Variants in APP observed in about 807,000 individuals in gnomAD.
The protein encoded by APP is amyloid-beta precursor protein.
Under a neutral mutation model 101.4 loss-of-function variants are expected in APP, and 31 were observed. The observed-to-expected ratio is 0.31, with a 90% CI of 0.23 to 0.41. The LOEUF is 0.41. Ranked by LOEUF, APP falls within the 10% of genes least tolerant of loss-of-function variation. APP has a pLI of 1.00. For missense variants in APP, 839 were observed against 1,003.7 expected, an observed-to-expected ratio of 0.84 and a Z score of 2.22; for synonymous variants, 366 against 364.4, an observed-to-expected ratio of 1.00 and a Z score of -0.05.
chr21:26,112,395 C>T (rs185675974), intron 1 of APP, among the ~76,000 whole-genome samples: 3 of 152,264 alleles, frequency 2.0e-5, no homozygotes, highest in South Asian at 4.2e-4. Context: ...GGAATTTATT[C>T]ATGAAAAATT....
At chr21:26,022,754 C>T (rs550256285) in intron 5 of APP, among the ~76,000 whole-genome samples, 6 of 152,316 alleles carry the variant, frequency 3.9e-5, no homozygotes, top group African/African-American at 9.6e-5. Context: ...AGAGCCGCAA[C>T]GCATTGCACG....
At chr21:26,133,419 G>A (rs1217080928) in intron 1 of APP, among the ~76,000 whole-genome samples, 1 of 152,178 alleles carries the variant, frequency 6.6e-6, no homozygotes, top group Non-Finnish European at 1.5e-5. Flanking sequence ...ACAATTACTA[G>A]GAAGACAAAT....
chr21:26,155,129 T>C (rs533598051), intron 1 of APP, among the ~76,000 whole-genome samples: 1 of 152,268 alleles, frequency 6.6e-6, no homozygotes, highest in South Asian at 2.1e-4. Flanking sequence ...CACACGCCTG[T>C]AATCCCAGCT....
At chr21:25,954,777 C>T (rs1015688896) in intron 12 of APP, 88 bp from the exon 13 acceptor site, 13 of 1,181,792 alleles carry the variant, frequency 1.1e-5, no homozygotes, top group African/African-American at 4.6e-5. Context: ...TTTTTTGAGA[C>T]GGAGTCTCGC....
chr21:26,084,518 C>A (rs2146091372), intron 3 of APP, among the ~76,000 whole-genome samples: 1 of 118 alleles, frequency 8.5e-3, no homozygotes, highest in Non-Finnish European at 0.022. Flanking sequence ...GGATTACAGG[C>A]GTGAGCACCG....
At chr21:26,085,786 A>G (rs940132613) in intron 3 of APP, among the ~76,000 whole-genome samples, 1 of 152,234 alleles carries the variant, frequency 6.6e-6, no homozygotes, top group African/African-American at 2.4e-5. Context: ...AAAACAAGGC[A>G]TGCTTTTCCT....
intron 9 of APP, among the ~76,000 whole-genome samples, chr21:25,980,563 T>C (rs1053049718): frequency 2.6e-5 from 4 of 152,180 alleles, no homozygotes; most frequent in African/African-American, 9.7e-5. Flanking sequence ...AACTGCACAT[T>C]ATATTCCAGA....
intron 3 of APP, among the ~76,000 whole-genome samples, chr21:26,084,388 G>C (rs137861604): frequency 1.3e-5 from 2 of 152,174 alleles, no homozygotes; most frequent in South Asian, 2.1e-4. Context: ...ACAGGCGCCC[G>C]CACCACGCCT....
chr21:25,981,276 C>T (rs747116504), intron 9 of APP, among the ~76,000 whole-genome samples: 2 of 152,224 alleles, frequency 1.3e-5, no homozygotes, highest in Non-Finnish European at 2.9e-5. Flanking sequence ...TCATAAATTG[C>T]ATTTAATGTC....
At chr21:26,063,449 C>T (rs1385596496) in intron 3 of APP, among the ~76,000 whole-genome samples, 2 of 151,476 alleles carry the variant, frequency 1.3e-5, no homozygotes, top group Non-Finnish European at 2.9e-5. Flanking sequence ...ATAAAAGGAA[C>T]AAGGGCTCCT....
intron 15 of APP, among the ~76,000 whole-genome samples, chr21:25,902,399 TTAC>T (rs1364873084): frequency 2.0e-5 from 3 of 152,212 alleles, no homozygotes; most frequent in African/African-American, 7.2e-5. Context: ...TTTGATAAAC[TTAC>T]TACAAGCACA....
intron 5 of APP, among the ~76,000 whole-genome samples, chr21:26,034,135 T>C (rs2044977375): frequency 6.6e-6 from 1 of 152,198 alleles, no homozygotes. Flanking sequence ...ATAGACCAGA[T>C]GCCCACTCAC....
At chr21:26,152,470 G>A (rs2063298260) in intron 1 of APP, among the ~76,000 whole-genome samples, 1 of 151,862 alleles carries the variant, frequency 6.6e-6, no homozygotes, top group Non-Finnish European at 1.5e-5. Flanking sequence ...AATAGTATGA[G>A]ATTTAATGTT....
chr21:26,140,422 T>C, intron 1 of APP: 2 of 1,331,386 alleles, frequency 1.5e-6, no homozygotes, highest in South Asian at 3.3e-5. Context: ...TGCGCCAACT[T>C]CTAAGCTAAC....
At chr21:25,917,226 A>C (rs1266504900) in intron 13 of APP, among the ~76,000 whole-genome samples, 1 of 146,794 alleles carries the variant, frequency 6.8e-6, no homozygotes, top group African/African-American at 2.6e-5. Context: ...ATGCCACTGC[A>C]CTCCAGCCTA....
At chr21:26,150,265 GA>G (rs2063237097) in intron 1 of APP, among the ~76,000 whole-genome samples, 3 of 152,070 alleles carry the variant, frequency 2.0e-5, no homozygotes, top group Non-Finnish European at 1.5e-5. Context: ...ATATATGGGG[GA>G]AACTAATAGA....
chr21:26,134,652 G>C (rs13046704), intron 1 of APP, among the ~76,000 whole-genome samples: 53,523 of 151,976 alleles, frequency 0.35, 9,956 homozygotes, highest in African/African-American at 0.49. Context: ...TGTTAAGAAA[G>C]CTTCATTATG....
At chr21:26,154,487 A>G (rs2063336431) in intron 1 of APP, among the ~76,000 whole-genome samples, 1 of 152,156 alleles carries the variant, frequency 6.6e-6, no homozygotes, top group Non-Finnish European at 1.5e-5. Flanking sequence ...GTCCACAGAG[A>G]GGTTGAAGAT....
intron 6 of APP, among the ~76,000 whole-genome samples, chr21:26,002,443 T>G (rs1208373862): frequency 1.0e-4 from 1 of 9,984 alleles, no homozygotes; most frequent in Non-Finnish European, 2.4e-4. Context: ...CCTTCAGTTG[T>G]AACAAACATC....
Sources: allele counts gnomAD v4.1 joint callset (sites outside exome capture counted in the v4.1 genomes callset), GRCh38; gene constraint gnomAD v4.1.1; transcripts MANE v1.5; gene names NCBI Gene and HGNC (gene_info 2026-07-23, HGNC 2026-07-21).